EYS: variants seen among roughly 807,000 people sequenced by gnomAD.
EYS encodes EGF-like photoreceptor maintenance factor, also known as protein eyes shut homolog.
In EYS, 250 loss-of-function variants were observed where a neutral mutation model predicts 282.1. The ratio of observed to expected loss-of-function variants is 0.89; its 90% CI spans 0.80 to 0.98. EYS has a LOEUF of 0.98. Among genes scored for constraint, EYS ranks in the 50% least tolerant of loss-of-function variants. The pLI, the probability that EYS is intolerant of heterozygous loss-of-function variation, is 0.00. For synonymous variants in EYS, 1,355 were observed against 1,282.9 expected, an observed-to-expected ratio of 1.06 and a Z score of -1.20; for missense variants, 4,016 against 3,709.0, an observed-to-expected ratio of 1.08 and a Z score of -2.15.
At position 63,945,496 on chromosome 6, in the gene EYS, G is replaced by A. The variant is rs112085668; in HGVS notation, c.7055+38887C>T. 7.6e-3 allele frequency among the ~76,000 whole-genome samples: 1,159 copies of A among 152,264 alleles called. 18 individuals are homozygous for A. Among genetic ancestry groups the A allele is most frequent in the South Asian group, 0.03 (145 of 4,820 alleles). ...GGTTTAGGTAAAGATTAAAGGTTTAGGGAGGTTAATGGCAAAATATTCAGA... is the reference window on the plus strand; with the variant it reads ...GGTTTAGGTAAAGATTAAAGGTTTAAGGAGGTTAATGGCAAAATATTCAGA... On this transcript the variant is annotated intron_variant, in intron 35 of 42. Coordinates refer to ENST00000503581, the MANE Select transcript of EYS (RefSeq NM_001142800.2).
chr6:64,540,407 A>G (rs927978879), intron 26 of EYS, among the ~76,000 whole-genome samples: 1 of 150,738 alleles, frequency 6.6e-6, no homozygotes, highest in Non-Finnish European at 1.5e-5. Context: ...CACATAACCT[A>G]TTGTGCTTTG....
intron 35 of EYS, among the ~76,000 whole-genome samples, chr6:63,876,599 G>T (rs367976903): frequency 1.3e-5 from 2 of 152,246 alleles, no homozygotes; most frequent in East Asian, 3.9e-4. Context: ...ATTATGGTGT[G>T]GGAGTCTAAG....
chr6:64,998,298 G>C (rs1771342697), intron 13 of EYS, among the ~76,000 whole-genome samples: 1 of 152,194 alleles, frequency 6.6e-6, no homozygotes, highest in South Asian at 2.1e-4. Flanking sequence ...TCTCAAGGAA[G>C]TAGTGACAGT....
Position 65,703,554 on chromosome 6 carries a change from T to C in EYS, c.-448+3581A>G, listed in dbSNP as rs144735665. ...CAAAAATTTGAATGAGCAAAGTGCA[T>C]TGGTTCCATGTGTATTTATTTTCTA... On this transcript the variant is annotated intron_variant, in intron 1 of 42. Coordinates refer to ENST00000503581, the MANE Select transcript of EYS (RefSeq NM_001142800.2). Among the ~76,000 whole-genome samples the C allele has an allele frequency of 8.6e-5, 13 of 151,798 alleles. No homozygotes were observed. The South Asian group carries it at 1.9e-3, about 22-fold the overall frequency.
intron 2 of EYS, among the ~76,000 whole-genome samples, chr6:65,543,461 TATTA>T (rs1205855093): frequency 2.7e-5 from 4 of 148,260 alleles, no homozygotes; most frequent in African/African-American, 9.8e-5. Flanking sequence ...ACTATTTATA[TATTA>T]ATTATGTGTG....
intron 8 of EYS, among the ~76,000 whole-genome samples, chr6:65,368,624 A>T (rs1765011604): frequency 6.6e-6 from 1 of 151,896 alleles, no homozygotes; most frequent in South Asian, 2.1e-4. Context: ...GTAAAAGCAC[A>T]TTGTTGTTTG....
chr6:64,066,618 A>C, intron 32 of EYS, 127 bp from the exon 33 acceptor site: 2 of 651,516 alleles, frequency 3.1e-6, no homozygotes, highest in East Asian at 5.5e-5. Flanking sequence ...GCTATTAGAT[A>C]ATTATTCAGT....
At chr6:63,759,475 A>C (rs1200760248) in intron 41 of EYS, among the ~76,000 whole-genome samples, 2 of 152,096 alleles carry the variant, frequency 1.3e-5, no homozygotes. Context: ...TCCGAGTTTC[A>C]CTTATAATTT....
chr6:64,293,151 C>T (rs771374057), intron 30 of EYS, among the ~76,000 whole-genome samples: 8 of 151,934 alleles, frequency 5.3e-5, no homozygotes, highest in African/African-American at 9.7e-5. Context: ...AATAAAGGCT[C>T]GATTCATTTT....
At chr6:65,075,481 T>C (rs1774021884) in intron 12 of EYS, among the ~76,000 whole-genome samples, 1 of 152,044 alleles carries the variant, frequency 6.6e-6, no homozygotes, top group Non-Finnish European at 1.5e-5. Flanking sequence ...TTTTTCTATA[T>C]AGTTTTAGAA....
At chr6:65,353,058 G>T (rs1267937264) in intron 9 of EYS, among the ~76,000 whole-genome samples, 3 of 150,756 alleles carry the variant, frequency 2.0e-5, no homozygotes, top group Non-Finnish European at 4.4e-5. Context: ...CAATTGCCCA[G>T]TTTTTTTTTC....
At chr6:64,267,540 C>T (rs1307047164) in intron 30 of EYS, among the ~76,000 whole-genome samples, 1 of 151,964 alleles carries the variant, frequency 6.6e-6, no homozygotes, top group East Asian at 1.9e-4. Context: ...ATTCCACTGG[C>T]TTTAAAGACC....
chr6:64,052,146 G>A (rs773294838), intron 33 of EYS, among the ~76,000 whole-genome samples: 3 of 151,690 alleles, frequency 2.0e-5, no homozygotes, highest in African/African-American at 7.3e-5. Flanking sequence ...AATTATTTTC[G>A]ACCATTAAAA....
intron 36 of EYS, among the ~76,000 whole-genome samples, chr6:63,829,019 A>AC (rs754931415): frequency 3.9e-5 from 6 of 152,340 alleles, no homozygotes; most frequent in Non-Finnish European, 8.8e-5. Context: ...CAAAAAAGAT[A>AC]CTTGCACATG....
At chr6:63,756,135 G>C (rs761258983) in intron 41 of EYS, among the ~76,000 whole-genome samples, 1 of 152,156 alleles carries the variant, frequency 6.6e-6, no homozygotes, top group Non-Finnish European at 1.5e-5. Flanking sequence ...TCTCTTGCCT[G>C]ATTGCCCTGG....
At chr6:64,220,181 A>C (rs1766056183) in intron 31 of EYS, among the ~76,000 whole-genome samples, 1 of 152,010 alleles carries the variant, frequency 6.6e-6, no homozygotes, top group South Asian at 2.1e-4. Context: ...TAAAGTAAAA[A>C]ATTTTAATAG....
At chr6:64,887,730 AC>A (rs1426560356) in intron 18 of EYS, among the ~76,000 whole-genome samples, 1 of 152,074 alleles carries the variant, frequency 6.6e-6, no homozygotes, top group African/African-American at 2.4e-5. Context: ...TTAGTCATGT[AC>A]CCATATTCAA....
intron 36 of EYS, among the ~76,000 whole-genome samples, chr6:63,845,528 A>T (rs1772076401): frequency 6.6e-6 from 1 of 152,130 alleles, no homozygotes; most frequent in Non-Finnish European, 1.5e-5. Flanking sequence ...GGAGGGTGAA[A>T]AAAAAAGAGG....
At chr6:65,576,052 G>A (rs1468778411) in intron 2 of EYS, among the ~76,000 whole-genome samples, 1 of 151,958 alleles carries the variant, frequency 6.6e-6, no homozygotes, top group Non-Finnish European at 1.5e-5. Context: ...AAATTAAAGA[G>A]GAGATAATAC....
Sources: allele counts gnomAD v4.1 joint callset (sites outside exome capture counted in the v4.1 genomes callset), GRCh38; gene constraint gnomAD v4.1.1; transcripts MANE v1.5; gene names NCBI Gene and HGNC (gene_info 2026-07-23, HGNC 2026-07-21).